The following CDH13 variants were observed in gnomAD, a reference collection of about 807,000 sequenced individuals.
The protein encoded by CDH13 is cadherin 13.
Under a neutral mutation model 63.8 loss-of-function variants are expected in CDH13, and 24 were observed. That is an observed-to-expected ratio of 0.38 (90% CI 0.27 to 0.53). CDH13 has a LOEUF of 0.53. CDH13 is among the 20% of genes least tolerant of loss of function. The pLI, the probability that CDH13 is intolerant of heterozygous loss-of-function variation, is 0.85. For synonymous variants in CDH13, 503 were observed against 355.3 expected, an observed-to-expected ratio of 1.42 and a Z score of -4.67; for missense variants, 1,049 against 903.1, an observed-to-expected ratio of 1.16 and a Z score of -2.07.
intron 5 of CDH13, among the ~76,000 whole-genome samples, chr16:83,247,495 A>AT (rs1905090351): frequency 2.0e-4 from 2 of 9,946 alleles, no homozygotes; most frequent in Admixed American, 1.6e-3. Context: ...TGCTGTCACC[A>AT]CTTTTTTTTT....
At chr16:82,931,232 C>T (rs1033357449) in intron 2 of CDH13, among the ~76,000 whole-genome samples, 8 of 152,174 alleles carry the variant, frequency 5.3e-5, no homozygotes, top group African/African-American at 1.9e-4. Context: ...GACTACCCTG[C>T]ACAGAATTTT....
intron 7 of CDH13, among the ~76,000 whole-genome samples, chr16:83,589,259 C>A (rs1434549876): frequency 5.7e-5 from 7 of 122,150 alleles, no homozygotes; most frequent in Non-Finnish European, 1.3e-4. Context: ...TCTCTCTTTC[C>A]CCTTATTCTT....
At chr16:82,725,293 C>T (rs1233415163) in intron 1 of CDH13, among the ~76,000 whole-genome samples, 3 of 152,200 alleles carry the variant, frequency 2.0e-5, no homozygotes, top group South Asian at 2.1e-4. Context: ...ATTGTCCCAG[C>T]TCTATCACCA....
intron 4 of CDH13, among the ~76,000 whole-genome samples, chr16:83,207,473 A>G (rs1001247274): frequency 5.9e-5 from 9 of 152,226 alleles, no homozygotes; most frequent in East Asian, 1.9e-4. Flanking sequence ...GACACATACA[A>G]TCTTTACATA....
intron 6 of CDH13, among the ~76,000 whole-genome samples, chr16:83,354,881 C>A (rs983265659): frequency 6.6e-6 from 1 of 152,156 alleles, no homozygotes; most frequent in African/African-American, 2.4e-5. Flanking sequence ...ACACATGTGC[C>A]CCTTCATTCA....
intron 2 of CDH13, among the ~76,000 whole-genome samples, chr16:83,018,583 C>A (rs147390537): frequency 1.3e-5 from 2 of 152,176 alleles, no homozygotes; most frequent in African/African-American, 4.8e-5. Context: ...CAAATGGTAA[C>A]CTGAATTGCT....
At chr16:83,714,216 A>G (rs73250500) in intron 10 of CDH13, among the ~76,000 whole-genome samples, 18,112 of 152,240 alleles carry the variant, frequency 0.12, 1,376 homozygotes, top group African/African-American at 0.21. Context: ...GACCCCTTCT[A>G]TAGTTTCCAG....
At chr16:83,309,311 G>A (rs979286407) in intron 5 of CDH13, among the ~76,000 whole-genome samples, 1 of 152,140 alleles carries the variant, frequency 6.6e-6, no homozygotes, top group Non-Finnish European at 1.5e-5. Context: ...TTTATATGGT[G>A]AGAGCACTGT....
chr16:82,633,855 C>G (rs1428878178), intron 1 of CDH13, among the ~76,000 whole-genome samples: 1 of 152,184 alleles, frequency 6.6e-6, no homozygotes, highest in Non-Finnish European at 1.5e-5. Flanking sequence ...TCATCCCATA[C>G]CAGCAGGTGA....
At chr16:83,279,673 C>T (rs2089102358) in intron 5 of CDH13, among the ~76,000 whole-genome samples, 1 of 152,150 alleles carries the variant, frequency 6.6e-6, no homozygotes, top group Non-Finnish European at 1.5e-5. Flanking sequence ...CATTAGCTTC[C>T]TCTCTCACAA....
In CDH13 at chr16:83,563,646, C is replaced by T. The variant is rs140549362; in HGVS notation, c.961-38808C>T. 7.8e-4 allele frequency among the ~76,000 whole-genome samples: 119 copies of T among 152,240 alleles called. 1 individual carries two copies. The Middle Eastern group carries it at 0.014, about 17-fold the overall frequency. ...CTGAAGTGCAAGTTTCCTCTAGAAA[C>T]GACCAGTTTTAGGAGGGCGTGTGTG... On this transcript the variant is annotated intron_variant, in intron 7 of 13. Coordinates refer to ENST00000567109, the MANE Select transcript of CDH13 (RefSeq NM_001257.5).
At chr16:83,393,253 T>A (rs2091822887) in intron 6 of CDH13, among the ~76,000 whole-genome samples, 1 of 152,054 alleles carries the variant, frequency 6.6e-6, no homozygotes, top group South Asian at 2.1e-4. Context: ...GGCTCTGCAC[T>A]GGTTTTTATG....
intron 6 of CDH13, among the ~76,000 whole-genome samples, chr16:83,423,238 T>G (rs759429963): frequency 3.9e-5 from 6 of 152,200 alleles, no homozygotes; most frequent in Non-Finnish European, 8.8e-5. Context: ...CTAAAGTATT[T>G]CAGGCATTTT....
At chr16:83,000,710 G>A (rs961991350) in intron 2 of CDH13, among the ~76,000 whole-genome samples, 5 of 151,506 alleles carry the variant, frequency 3.3e-5, no homozygotes, top group Non-Finnish European at 7.4e-5. Flanking sequence ...TTCCCAGGTA[G>A]CTGGGATTAC....
intron 4 of CDH13, among the ~76,000 whole-genome samples, chr16:83,181,583 G>C (rs1374853354): frequency 6.6e-6 from 1 of 152,190 alleles, no homozygotes; most frequent in Non-Finnish European, 1.5e-5. Context: ...ATGCCTGCCT[G>C]GTTCTGTGAG....
At chr16:83,701,928 T>A (rs1906297599) in intron 10 of CDH13, among the ~76,000 whole-genome samples, 1 of 152,230 alleles carries the variant, frequency 6.6e-6, no homozygotes, top group African/African-American at 2.4e-5. Flanking sequence ...CATTGAGGGT[T>A]GTGGGACTTT....
At chr16:82,692,100 T>C (rs1915701874) in intron 1 of CDH13, among the ~76,000 whole-genome samples, 1 of 152,182 alleles carries the variant, frequency 6.6e-6, no homozygotes, top group South Asian at 2.1e-4. Flanking sequence ...GAAAAGTACA[T>C]GAATTATATT....
intron 6 of CDH13, among the ~76,000 whole-genome samples, chr16:83,473,507 C>T (rs1191569707): frequency 6.6e-6 from 1 of 152,184 alleles, no homozygotes; most frequent in Non-Finnish European, 1.5e-5. Flanking sequence ...CCTGGAACTT[C>T]AGCCAGGTCA....
chr16:82,953,102 C>G (rs528304272), intron 2 of CDH13: 3 of 152,262 alleles, frequency 2.0e-5, no homozygotes, highest in African/African-American at 7.2e-5. Flanking sequence ...CTTCTTTTTC[C>G]TCATAGACTA....
Sources: gnomAD v4.1 joint callset for allele counts (sites outside exome capture counted in the v4.1 genomes callset) on GRCh38, gnomAD v4.1.1 for gene constraint, MANE v1.5 for transcripts, NCBI Gene and HGNC (gene_info 2026-07-23, HGNC 2026-07-21) for gene names.